Variants in SLC13A5 observed in about 807,000 individuals in gnomAD.
SLC13A5 encodes the protein solute carrier family 13 member 5.
A neutral mutation model predicts 56.5 loss-of-function variants in SLC13A5; 25 were observed. The observed-to-expected ratio is 0.44, with a 90% CI of 0.32 to 0.62. The LOEUF (loss-of-function observed/expected upper bound fraction) is 0.62, where lower values mean the gene tolerates loss of function less well. SLC13A5 is among the 20% of genes least tolerant of loss of function. The pLI, the probability that SLC13A5 is intolerant of heterozygous loss-of-function variation, is 0.04. For synonymous variants in SLC13A5, 307 were observed against 301.5 expected, an observed-to-expected ratio of 1.02 and a Z score of -0.19; for missense variants, 649 against 737.8, an observed-to-expected ratio of 0.88 and a Z score of 1.39.
Position 6,703,868 on chromosome 17 carries a change from A to G in SLC13A5, c.547+10T>C, listed in dbSNP as rs767205621. The G allele has an allele frequency of 6.5e-7, 1 of 1,529,676 alleles. No homozygotes were observed. The highest frequency in any genetic ancestry group is 8.8e-7 in the Non-Finnish European group (1 of 1,138,804). 94.8% of individuals were successfully genotyped at this position (1,529,676 alleles called of 1,614,324 possible). A position where few individuals can be genotyped will look rare whatever the true frequency, so the allele number is the denominator to read the frequency against. The stretch of plus-strand genomic sequence containing the variant: ...GTTGTGGCCTGGCAGTGCCCTGGCC[A>G]GGGGCTCACCTGGCAGCTCCTTGGC... On this transcript the variant is annotated intron_variant, in intron 4 of 11. Coordinates refer to ENST00000433363, the MANE Select transcript of SLC13A5 (RefSeq NM_177550.5).
At chr17:6,702,237 C>T (rs1178867847) in intron 5 of SLC13A5, among the ~76,000 whole-genome samples, 1 of 152,114 alleles carries the variant, frequency 6.6e-6, no homozygotes, top group Non-Finnish European at 1.5e-5. Flanking sequence ...TTAGTACATA[C>T]CTCAATTAGT....
At chr17:6,695,590 C>T in intron 7 of SLC13A5, 136 bp downstream of exon 7, 3 of 776,878 alleles carry the variant, frequency 3.9e-6, no homozygotes, top group Non-Finnish European at 6.4e-6. Flanking sequence ...AGGGTTTCAC[C>T]ATGTTGGCCA....
At chr17:6,705,472 G>A (rs1415990614) in intron 3 of SLC13A5, 1 of 152,192 alleles carries the variant, frequency 6.6e-6, no homozygotes, top group Non-Finnish European at 1.5e-5. Context: ...AGGGAGCCAA[G>A]CAGAAGAATT....
At chr17:6,698,577 C>T (rs773855466) in intron 6 of SLC13A5, among the ~76,000 whole-genome samples, 12 of 152,224 alleles carry the variant, frequency 7.9e-5, no homozygotes, top group Non-Finnish European at 1.5e-4. Flanking sequence ...GGATGCCATG[C>T]AGTGGGAGCC....
chr17:6,701,902 C>G lies in SLC13A5; in HGVS notation c.717-776G>C, dbSNP rs1456394408. 6.6e-6 allele frequency among the ~76,000 whole-genome samples: 1 copy of G among 152,126 alleles called. No individual in the cohort carries two copies. Among genetic ancestry groups the G allele is most frequent in the Non-Finnish European group, 1.5e-5 (1 of 68,016 alleles). ...GGAGGGTCACTTCCACCACAGGCCC[C>G]GCCTCCCATCCCCGGGGCTCTGCTA... On this transcript the variant is annotated intron_variant, in intron 5 of 11. Coordinates refer to ENST00000433363, the MANE Select transcript of SLC13A5 (RefSeq NM_177550.5). This position sits in a 1 kb window ranked among gnomAD's most constrained non-coding sequence, Gnocchi z 4.1.
intron 1 of SLC13A5, among the ~76,000 whole-genome samples, chr17:6,709,830 G>C (rs1973972679): frequency 6.6e-6 from 1 of 152,176 alleles, no homozygotes; most frequent in African/African-American, 2.4e-5. Context: ...GGGTCCCTCA[G>C]CCTCGGCACA....
rs1555543867 is a variant in SLC13A5, at chr17:6,711,428, T to TACAC, written c.102+1800_102+1803dup. On this transcript the variant is annotated intron_variant, in intron 1 of 11. Transcript: ENST00000433363. This position sits in a 1 kb window ranked among gnomAD's most constrained non-coding sequence, Gnocchi z 4.0. ...GCTTAATCTCTCTCTCTCTCTCTCT[T>TACAC]ACACACACACACATACACACACATA... 1.5e-5 allele frequency among the ~76,000 whole-genome samples: 2 copies of TACAC among 134,990 alleles called. No individual in the cohort carries two copies. Among genetic ancestry groups the TACAC allele is most frequent in the Admixed American group, 7.5e-5 (1 of 13,380 alleles). 88.6% of individuals were successfully genotyped at this position (134,990 alleles called of 152,430 possible). A position where few individuals can be genotyped will look rare whatever the true frequency, so the allele number is the denominator to read the frequency against.
chr17:6,686,394 AGAG>A (rs2150960953), intron 11 of SLC13A5, 56 bp from the exon 12 acceptor site: 2 of 1,609,646 alleles, frequency 1.2e-6, no homozygotes, highest in Non-Finnish European at 8.5e-7. Context: ...GTGCTCTCAG[AGAG>A]GAGGACAAAG....
At position 6,686,176 on chromosome 17, in the gene SLC13A5, A is replaced by G. The variant is rs16956120; in HGVS notation, c.*31T>C. On this transcript the variant is annotated 3_prime_UTR_variant, in exon 12 of 12. Transcript: ENST00000433363. ...AAGGTTCGGTAGTCCTGAGGAGGGT[A>G]AGGGCTGTGTGTGTGGTCTTGTGGC... 5.9e-3 allele frequency: 9,588 copies of G among 1,613,602 alleles called. 429 individuals carry two copies. The African/African-American group carries it at 0.1, about 17-fold the overall frequency.
Position 6,692,917 on chromosome 17 carries a change from A to C in SLC13A5, c.1275+127T>G, listed in dbSNP as rs1973449259. 4 of 741,500 alleles carry C rather than the reference A, an allele frequency of 5.4e-6. No individual in the cohort carries two copies. In the Admixed American group the frequency reaches 6.1e-5, roughly 11 times the overall value. 45.9% of individuals were successfully genotyped at this position (741,500 alleles called of 1,614,324 possible). On this transcript the variant is annotated intron_variant, in intron 9 of 11. Coordinates refer to ENST00000433363, the MANE Select transcript of SLC13A5 (RefSeq NM_177550.5). This position sits in a 1 kb window ranked among gnomAD's most constrained non-coding sequence, Gnocchi z 5.5. ...ATGACAAGACAGAGTCCATGTCCTCAAGGAATGTGCGGTTATACGAAGGAT... is the reference window on the plus strand; with the variant it reads ...ATGACAAGACAGAGTCCATGTCCTCCAGGAATGTGCGGTTATACGAAGGAT...
chr17:6,704,465 C>G (rs1319766045), intron 3 of SLC13A5: 1 of 343,120 alleles, frequency 2.9e-6, no homozygotes, highest in Non-Finnish European at 5.8e-6. Context: ...GCAGCCCCAG[C>G]TTCCCACTTC....
At chr17:6,709,244 CTTATTTATTTAT>C (rs60433016) in intron 1 of SLC13A5, among the ~76,000 whole-genome samples, 42 of 151,020 alleles carry the variant, frequency 2.8e-4, no homozygotes, top group East Asian at 1.4e-3. Context: ...CAAATTCTTG[CTTATTTATTTAT>C]TTATTTATTT....
chr17:6,687,557 G>A lies in SLC13A5; in HGVS notation c.1547C>T (p.Thr516Ile), dbSNP rs1045300193. 14 of 1,613,816 alleles carry A rather than the reference G, an allele frequency of 8.7e-6. No homozygotes were observed. The highest frequency in any genetic ancestry group is 1.2e-5 in the Non-Finnish European group (14 of 1,179,936). The part of the protein sequence containing the change: ...VATPPNAIVF[T>I]YGHLKVADMV... The stretch of plus-strand genomic sequence containing the variant: ...GTCAGCAACCTTGAGGTGCCCATAG[G>A]TGAACACGATGGCATTTGGAGGGGT... The change falls in exon 11 of 12, where the codon ACC becomes ATC. Residue 516 changes from threonine (T) to isoleucine (I), a missense_variant. Transcript: ENST00000433363. This position sits in a 1 kb window ranked among gnomAD's most constrained non-coding sequence, Gnocchi z 5.0.
chr17:6,706,634 G>A lies in SLC13A5; in HGVS notation c.368+8C>T, dbSNP rs754086132. ...AGCCACGTGGCAAGAGAGAGAAGGC[G>A]TAATTACCGTGCAGGCTTGGCCCCC... is the stretch of plus-strand genomic sequence containing the variant. On this transcript the variant is annotated splice_region_variant and intron_variant, in intron 3 of 11. Coordinates refer to ENST00000433363, the MANE Select transcript of SLC13A5 (RefSeq NM_177550.5). The A allele has an allele frequency of 2.4e-5, 38 of 1,612,692 alleles. No individual in the cohort carries two copies. Among genetic ancestry groups the A allele is most frequent in the African/African-American group, 6.7e-5 (5 of 74,906 alleles).
rs114362714 is a variant in SLC13A5, at chr17:6,713,131, C to A, written c.102+101G>T. 1.4e-5 allele frequency: 17 copies of A among 1,224,346 alleles called. No homozygotes were observed. Among genetic ancestry groups the A allele is most frequent in the Non-Finnish European group, 1.7e-5 (15 of 861,508 alleles). The allele number at this position is 1,224,346 out of a possible 1,614,324, so 75.8% of individuals were successfully genotyped here. On this transcript the variant is annotated intron_variant, in intron 1 of 11. Transcript: ENST00000433363. The surrounding 1 kb of genome is among the most constrained non-coding windows in gnomAD (Gnocchi z 7.3). ...CGCGCCCCGGGAGAGCTGTGCTCCC[C>A]GCGAAATCCGTGCGCTCCAGCTCAG...
At position 6,686,154 on chromosome 17, in the gene SLC13A5, G is replaced by A; in HGVS notation, c.*53C>T. 1 of 1,611,204 alleles carries A rather than the reference G, an allele frequency of 6.2e-7. No individual in the cohort carries two copies. The highest frequency in any genetic ancestry group is 8.5e-7 in the Non-Finnish European group (1 of 1,178,130). On this transcript the variant is annotated 3_prime_UTR_variant, in exon 12 of 12. Coordinates refer to ENST00000433363, the MANE Select transcript of SLC13A5 (RefSeq NM_177550.5). ...AACTCTGTACAAGGTGTGCCAGAAG[G>A]TTCGGTAGTCCTGAGGAGGGTAAGG...
chr17:6,692,941 A>T lies in SLC13A5; in HGVS notation c.1275+103T>A, dbSNP rs1973450072. 2.3e-6 allele frequency: 2 copies of T among 866,372 alleles called. No individual in the cohort carries two copies. Among genetic ancestry groups the T allele is most frequent in the Non-Finnish European group, 4.0e-6 (2 of 505,034 alleles). 53.7% of individuals were successfully genotyped at this position (866,372 alleles called of 1,614,324 possible). A position where few individuals can be genotyped will look rare whatever the true frequency, so the allele number is the denominator to read the frequency against. On this transcript the variant is annotated intron_variant, in intron 9 of 11. Coordinates refer to ENST00000433363, the MANE Select transcript of SLC13A5 (RefSeq NM_177550.5). The surrounding 1 kb of genome is among the most constrained non-coding windows in gnomAD (Gnocchi z 5.5). ...CAAGGAATGTGCGGTTATACGAAGG[A>T]TGCAGGCACAGAAACACACAAGCCC...
At chr17:6,707,498 AAGG>A (rs1973902629) in intron 1 of SLC13A5, among the ~76,000 whole-genome samples, 1 of 152,188 alleles carries the variant, frequency 6.6e-6, no homozygotes, top group South Asian at 2.1e-4. Flanking sequence ...AAGGAGAAAG[AAGG>A]AGAAGGAGGA....
In SLC13A5 at chr17:6,713,038, G is replaced by T. The variant is rs1049286482; in HGVS notation, c.102+194C>A. 6.6e-6 allele frequency among the ~76,000 whole-genome samples: 1 copy of T among 152,166 alleles called. No individual in the cohort carries two copies. Among genetic ancestry groups the T allele is most frequent in the African/African-American group, 2.4e-5 (1 of 41,448 alleles). ...GTAAACCCCAAGGGTGGTGCGCCCT[G>T]GGGTCGCCATGCCCCTCAGATTCTT... On this transcript the variant is annotated intron_variant, in intron 1 of 11. Coordinates refer to ENST00000433363, the MANE Select transcript of SLC13A5 (RefSeq NM_177550.5). This position sits in a 1 kb window ranked among gnomAD's most constrained non-coding sequence, Gnocchi z 7.3.
Sources: gnomAD v4.1 joint callset for allele counts (sites outside exome capture counted in the v4.1 genomes callset) on GRCh38, gnomAD v4.1.1 for gene constraint, Gnocchi (gnomAD v3.1) non-coding constraint, MANE v1.5 for transcripts, NCBI Gene and HGNC (gene_info 2026-07-23, HGNC 2026-07-21) for gene names.